SOCS7: variants seen among roughly 807,000 people sequenced by gnomAD.
The protein encoded by SOCS7 is NAP-4.
Under a neutral mutation model 58.9 loss-of-function variants are expected in SOCS7, and 18 were observed. That is an observed-to-expected ratio of 0.31 (90% CI 0.21 to 0.45). The LOEUF (loss-of-function observed/expected upper bound fraction) is 0.45, where lower values mean the gene tolerates loss of function less well. Ranked by LOEUF, SOCS7 falls within the 20% of genes least tolerant of loss-of-function variation. The pLI, the probability that SOCS7 is intolerant of heterozygous loss-of-function variation, is 1.00. For missense variants in SOCS7, 667 were observed against 837.3 expected (o/e 0.80, Z 2.51); for synonymous variants, 388 against 364.3 (o/e 1.06, Z -0.74).
At chr17:38,390,150 G>T (rs1265175307) in intron 7 of SOCS7, among the ~76,000 whole-genome samples, 2 of 151,596 alleles carry the variant, frequency 1.3e-5, no homozygotes, top group Non-Finnish European at 2.9e-5. Context: ...TGAATATTCA[G>T]TTGTTCTAGC....
At chr17:38,367,804 A>G (rs1161205351) in intron 5 of SOCS7, 78 bp from the exon 6 acceptor site, 3 of 1,330,030 alleles carry the variant, frequency 2.3e-6, no homozygotes, top group African/African-American at 1.5e-5. Flanking sequence ...GGGTTCTCCC[A>G]TGTTAAGATA....
chr17:38,366,154 GCTT>G, intron 4 of SOCS7, 130 bp from the exon 5 acceptor site: 1 of 1,349,708 alleles, frequency 7.4e-7, no homozygotes. Context: ...CACTGCTTTG[GCTT>G]CTACCCTTTC....
chr17:38,366,472 G>T, intron 5 of SOCS7, 55 bp downstream of exon 5: 3 of 1,593,042 alleles, frequency 1.9e-6, no homozygotes, highest in Non-Finnish European at 2.6e-6. Context: ...GCTAAATTCT[G>T]TATTCGGACA....
intron 7 of SOCS7, among the ~76,000 whole-genome samples, chr17:38,387,747 G>A (rs1483625328): frequency 8.9e-6 from 1 of 112,058 alleles, no homozygotes; most frequent in Non-Finnish European, 1.7e-5. Flanking sequence ...TAAAATTCAT[G>A]GAATTAAACA....
At chr17:38,363,256 C>T (rs754399932) in intron 2 of SOCS7, among the ~76,000 whole-genome samples, 3 of 152,328 alleles carry the variant, frequency 2.0e-5, no homozygotes, top group East Asian at 1.9e-4. Context: ...CTGGCTCCAT[C>T]GCATTGCTCT....
rs2038367532 is a variant in SOCS7 at position 38,404,698 on chromosome 17, GC to G, written c.*5220del. 1 of 152,258 alleles carries G rather than the reference GC, an allele frequency of 6.6e-6. No homozygotes were observed. Among genetic ancestry groups the G allele is most frequent in the Admixed American group, 6.5e-5 (1 of 15,282 alleles). The allele number at this position is 152,258 out of a possible 1,614,324, so 9.4% of individuals were successfully genotyped here. On this transcript the variant is annotated 3_prime_UTR_variant, in exon 10 of 10. Transcript: ENST00000612932. ...CTCTGGGATCATCACATACCACACT[GC>G]CCCGCTCAGAGTTTCGTCCTGAGCT...
chr17:38,372,962 C>G (rs1461737322), intron 6 of SOCS7, among the ~76,000 whole-genome samples: 1 of 151,848 alleles, frequency 6.6e-6, no homozygotes, highest in African/African-American at 2.4e-5. Flanking sequence ...CAAAATTAGC[C>G]GTGTGTGGTG....
chr17:38,395,340 T>C lies in SOCS7; in HGVS notation c.1713T>C (p.Tyr571=), dbSNP rs1191668833. 6.2e-7 allele frequency: 1 copy of C among 1,614,234 alleles called. No homozygotes were observed. Among genetic ancestry groups the C allele is most frequent in the South Asian group, 1.1e-5 (1 of 91,088 alleles). Residue 571 remains tyrosine (Y), a synonymous_variant, in exon 8 of 10, where the codon TAT becomes TAC. Coordinates refer to ENST00000612932, the MANE Select transcript of SOCS7 (RefSeq NM_014598.4). ...CACCAACTCCTGTCCAGCTGCTCTA[T>C]CCAGTGTCCCGATTCAGCAATGTCA... The part of the protein sequence containing the change: ...GLPPTPVQLL[Y]PVSRFSNVKS...
At chr17:38,378,630 G>GTT (rs754311041) in intron 7 of SOCS7, among the ~76,000 whole-genome samples, 5 of 152,182 alleles carry the variant, frequency 3.3e-5, no homozygotes, top group Admixed American at 6.5e-5. Context: ...TAAATACTTT[G>GTT]TTTTGTATCT....
intron 7 of SOCS7, among the ~76,000 whole-genome samples, chr17:38,384,036 A>G (rs113986640): frequency 2.0e-5 from 3 of 152,264 alleles, no homozygotes; most frequent in African/African-American, 4.8e-5. Flanking sequence ...GAGTCATGCC[A>G]CTGATGGGGC....
At chr17:38,389,857 G>GTGTATATATATATATATA (rs550603944) in intron 7 of SOCS7, among the ~76,000 whole-genome samples, 3 of 3,172 alleles carry the variant, frequency 9.5e-4, no homozygotes, top group Non-Finnish European at 2.6e-3. Flanking sequence ...TGTTTGGTGT[G>GTGTATATATATATATATA]TATGTGTGTA....
At chr17:38,370,947 C>G (rs1434151091) in intron 6 of SOCS7, among the ~76,000 whole-genome samples, 2 of 152,122 alleles carry the variant, frequency 1.3e-5, no homozygotes, top group African/African-American at 4.8e-5. Context: ...CGGCGCCCGG[C>G]CTTATAACTG....
rs748287819 is a variant in SOCS7 at position 38,361,762 on chromosome 17, C to A, written c.1032C>A (p.Ser344Arg). ...GTGCCTTTTCTCCGGTCTCCTTCAG[C>A]CCCCTGTTCACAGGTAAGGGTAATA... Reference protein sequence around the residue: ...TQSAFSPVSFSPLFTGETVSL... With the variant: ...TQSAFSPVSFRPLFTGETVSL... The change falls in exon 2 of 10, where the codon AGC becomes AGA. Residue 344 changes from serine to arginine, a missense_variant. Ser to Arg is a moderately radical substitution (Grantham distance 110). Coordinates refer to ENST00000612932, the MANE Select transcript of SOCS7 (RefSeq NM_014598.4). 6.2e-7 allele frequency: 1 copy of A among 1,611,912 alleles called. No homozygotes were observed.
rs896543402 is a variant in SOCS7, at chr17:38,365,921, C to G, written c.1253-366C>G. On this transcript the variant is annotated intron_variant, in intron 4 of 9. Coordinates refer to ENST00000612932, the MANE Select transcript of SOCS7 (RefSeq NM_014598.4). ...TGGCAAAATCATTACTCTTCCTGGG[C>G]AAGTAAGCGAGTCACTATTTCCAAG... 3.1e-6 allele frequency: 3 copies of G among 972,468 alleles called. 1 individual carries two copies. The highest frequency in any genetic ancestry group is 1.1e-4 in the Admixed American group (2 of 18,148). 60.2% of individuals were successfully genotyped at this position (972,468 alleles called of 1,614,324 possible).
chr17:38,353,872 A>G (rs1357288719), intron 1 of SOCS7, among the ~76,000 whole-genome samples: 2 of 152,296 alleles, frequency 1.3e-5, no homozygotes, highest in South Asian at 2.1e-4. Flanking sequence ...GTTGCAGTGA[A>G]TAGTGATCGT....
chr17:38,401,861 G>C lies in SOCS7; in HGVS notation c.*2379G>C, dbSNP rs2038323255. 6.6e-6 allele frequency: 1 copy of C among 152,364 alleles called. No individual in the cohort carries two copies. Among genetic ancestry groups the C allele is most frequent in the South Asian group, 2.1e-4 (1 of 4,834 alleles). 9.4% of individuals were successfully genotyped at this position (152,364 alleles called of 1,614,324 possible). On this transcript the variant is annotated 3_prime_UTR_variant, in exon 10 of 10. Coordinates refer to ENST00000612932, the MANE Select transcript of SOCS7 (RefSeq NM_014598.4). ...CGGTTTTCTAGATGGAAGCTTCCCA[G>C]CCACCAGGCAGACCTGAGTGCCAAG... is the stretch of plus-strand genomic sequence containing the variant.
intron 6 of SOCS7, among the ~76,000 whole-genome samples, chr17:38,368,753 C>T (rs1200281668): frequency 6.6e-6 from 1 of 152,160 alleles, no homozygotes; most frequent in Non-Finnish European, 1.5e-5. Flanking sequence ...CCACCCGCCT[C>T]GGCCTCCCAA....
rs1486558205 is a variant in SOCS7 at position 38,387,103 on chromosome 17, ATAT to A, written c.1682-8205_1682-8203del. On this transcript the variant is annotated intron_variant, in intron 7 of 9. Transcript: ENST00000612932. ...ATCTTAAAAAAAAAAAAAAAAAAAAATATATATATATATATATATATATATGTA... is the reference window on the plus strand; with the variant it reads ...ATCTTAAAAAAAAAAAAAAAAAAAAAATATATATATATATATATATATGTA... Among the ~76,000 whole-genome samples, 384 of 51,652 alleles carry A rather than the reference ATAT, an allele frequency of 7.4e-3. 3 individuals are homozygous for A. The highest frequency in any genetic ancestry group is 0.011 in the African/African-American group (86 of 8,152). 33.9% of individuals were successfully genotyped at this position (51,652 alleles called of 152,430 possible).
chr17:38,404,032 TA>T lies in SOCS7; in HGVS notation c.*4554del, dbSNP rs1015035724. 5 of 151,770 alleles carry T rather than the reference TA, an allele frequency of 3.3e-5. No individual in the cohort carries two copies. The highest frequency in any genetic ancestry group is 1.2e-4 in the African/African-American group (5 of 41,312). 9.4% of individuals were successfully genotyped at this position (151,770 alleles called of 1,614,324 possible). Reference sequence around the variant, plus strand: ...CCCCCCTCCTATGCTGCGATAGCTATAAAATGATTGGGTCACAAAGGTCAAG... The same window carrying T: ...CCCCCCTCCTATGCTGCGATAGCTATAAATGATTGGGTCACAAAGGTCAAG... On this transcript the variant is annotated 3_prime_UTR_variant, in exon 10 of 10. Transcript: ENST00000612932.
Sources: gnomAD v4.1 joint callset for allele counts (sites outside exome capture counted in the v4.1 genomes callset) on GRCh38, gnomAD v4.1.1 for gene constraint, MANE v1.5 for transcripts, NCBI Gene and HGNC (gene_info 2026-07-23, HGNC 2026-07-21) for gene names.